Variants in PLCB4 observed in about 807,000 individuals in gnomAD.
PLCB4 encodes 1-phosphatidylinositol 4,5-bisphosphate phosphodiesterase beta-4.
PLCB4 carries 77 observed loss-of-function variants against 178.8 expected under a neutral mutation model. The ratio of observed to expected loss-of-function variants is 0.43; its 90% CI spans 0.36 to 0.52. The LOEUF is 0.52. Ranked by LOEUF, PLCB4 falls within the 20% of genes least tolerant of loss-of-function variation. The pLI is 0.00. For missense variants in PLCB4, 1,024 were observed against 1,453.4 expected (o/e 0.70, Z 4.80); for synonymous variants, 496 against 490.8 (o/e 1.01, Z -0.14).
chr20:9,415,995 A>G (rs757412732), intron 25 of PLCB4, among the ~76,000 whole-genome samples: 1 of 152,208 alleles, frequency 6.6e-6, no homozygotes, highest in Admixed American at 6.5e-5. Flanking sequence ...TGACCTTCAA[A>G]GAAAGCTTGC....
At chr20:9,209,997 G>C (rs1015632091) in intron 2 of PLCB4, among the ~76,000 whole-genome samples, 1 of 136,104 alleles carries the variant, frequency 7.3e-6, no homozygotes, top group Non-Finnish European at 1.6e-5. Context: ...GAATGAAAAA[G>C]AAAACCCAGA....
chr20:9,336,312 A>T (rs926553670), intron 4 of PLCB4, among the ~76,000 whole-genome samples: 1 of 152,148 alleles, frequency 6.6e-6, no homozygotes, highest in Admixed American at 6.6e-5. Context: ...ATTCCTAAGC[A>T]CAGTGGTGCT....
intron 34 of PLCB4, 33 bp downstream of exon 34, chr20:9,457,522 T>G (rs774222747): frequency 2.0e-6 from 2 of 988,712 alleles, no homozygotes. Flanking sequence ...AGCAGTGACT[T>G]GCAGAAGACA....
intron 3 of PLCB4, among the ~76,000 whole-genome samples, chr20:9,299,449 A>T (rs1247018262): frequency 6.6e-6 from 1 of 151,984 alleles, no homozygotes; most frequent in Admixed American, 6.6e-5. Flanking sequence ...TCCCGTTGTA[A>T]AACAGTGTAC....
intron 3 of PLCB4, among the ~76,000 whole-genome samples, chr20:9,218,264 G>T (rs1044673580): frequency 1.3e-5 from 2 of 152,064 alleles, no homozygotes; most frequent in Admixed American, 1.3e-4. Flanking sequence ...ATGCCACCAC[G>T]CCTGGCTAAT....
intron 6 of PLCB4, 89 bp downstream of exon 6, chr20:9,338,156 T>C: frequency 1.2e-6 from 1 of 835,864 alleles, no homozygotes; most frequent in Non-Finnish European, 2.0e-6. Flanking sequence ...ACTCACTCTT[T>C]GTATCCAGGC....
At chr20:9,368,974 T>C (rs2036010637) in intron 9 of PLCB4, among the ~76,000 whole-genome samples, 1 of 152,160 alleles carries the variant, frequency 6.6e-6, no homozygotes, top group African/African-American at 2.4e-5. Context: ...TAAATCACAT[T>C]CCCTTTGTAA....
intron 3 of PLCB4, among the ~76,000 whole-genome samples, chr20:9,252,422 G>C (rs2094191092): frequency 6.6e-6 from 1 of 152,180 alleles, no homozygotes; most frequent in Admixed American, 6.5e-5. Flanking sequence ...TCTAGTCTAA[G>C]CTGTTCTCAA....
chr20:9,429,737 T>C (rs1568815537), intron 28 of PLCB4, among the ~76,000 whole-genome samples: 1 of 152,230 alleles, frequency 6.6e-6, no homozygotes, highest in African/African-American at 2.4e-5. Context: ...CTCACATATA[T>C]ATGCCTCTGG....
intron 10 of PLCB4, 80 bp downstream of exon 10, chr20:9,371,375 T>A: frequency 1.4e-6 from 1 of 723,798 alleles, no homozygotes; most frequent in Non-Finnish European, 2.4e-6. Context: ...AGATTATTTA[T>A]ATTAAACTGA....
chr20:9,192,246 T>C (rs2093414088), intron 2 of PLCB4, among the ~76,000 whole-genome samples: 1 of 152,218 alleles, frequency 6.6e-6, no homozygotes, highest in South Asian at 2.1e-4. Context: ...CGAACTGCTC[T>C]GAAGAGTTGC....
chr20:9,130,272 A>T (rs2146807759), intron 2 of PLCB4, among the ~76,000 whole-genome samples: 1 of 152,302 alleles, frequency 6.6e-6, no homozygotes, highest in East Asian at 1.9e-4. Context: ...GCTACTGCAG[A>T]AACTCAGTAA....
At chr20:9,090,653 T>G (rs1412104165) in intron 1 of PLCB4, among the ~76,000 whole-genome samples, 3 of 152,150 alleles carry the variant, frequency 2.0e-5, no homozygotes, top group Non-Finnish European at 4.4e-5. Flanking sequence ...TAAGCTAATA[T>G]ACTCCAGTAA....
intron 3 of PLCB4, among the ~76,000 whole-genome samples, chr20:9,220,884 C>T (rs553792404): frequency 6.6e-6 from 1 of 152,262 alleles, no homozygotes; most frequent in Non-Finnish European, 1.5e-5. Context: ...CTTCTTATTA[C>T]CCTGTAAATA....
chr20:9,241,605 AGT>A (rs1569003972), intron 3 of PLCB4, among the ~76,000 whole-genome samples: 1 of 152,220 alleles, frequency 6.6e-6, no homozygotes, highest in African/African-American at 2.4e-5. Flanking sequence ...TTATGTCTAG[AGT>A]AGCAATGGAA....
chr20:9,468,647 A>G lies in PLCB4; in HGVS notation c.3325A>G (p.Ile1109Val), dbSNP rs1386317866. 1 of 1,606,552 alleles carries G rather than the reference A, an allele frequency of 6.2e-7. No homozygotes were observed. Residue 1109 changes from isoleucine (I) to valine (V), a missense_variant, in exon 36 of 40, where the codon ATC becomes GTC. Ile to Val is a conservative substitution (Grantham distance 29). Around this residue, in one of 7 missense-constraint regions of PLCB4, gnomAD observed 264 missense variants for 283.2 expected, o/e 0.93. Transcript: ENST00000378473. ...NSKAISQDKS[I>V]KNKAERERRV... ...CAAAGCCATCAGCCAAGATAAATCT[A>G]TCAAGAATAAAGCAGAACGGGAAAG...
intron 2 of PLCB4, among the ~76,000 whole-genome samples, chr20:9,149,938 C>T (rs1057024158): frequency 6.6e-6 from 1 of 152,160 alleles, no homozygotes; most frequent in Non-Finnish European, 1.5e-5. Flanking sequence ...TTAGTTAACC[C>T]TCTGAAGCAG....
At chr20:9,313,172 TAC>T (rs2094856466) in intron 4 of PLCB4, among the ~76,000 whole-genome samples, 1 of 152,218 alleles carries the variant, frequency 6.6e-6, no homozygotes, top group Non-Finnish European at 1.5e-5. Context: ...AAAAGATACT[TAC>T]AGTCATCAAA....
chr20:9,144,467 C>G (rs2092554758), intron 2 of PLCB4, among the ~76,000 whole-genome samples: 1 of 151,488 alleles, frequency 6.6e-6, no homozygotes, highest in African/African-American at 2.4e-5. Context: ...TTGGATTTTT[C>G]TAGCTAGTGA....
Sources: allele counts gnomAD v4.1 joint callset (sites outside exome capture counted in the v4.1 genomes callset), GRCh38; gene constraint gnomAD v4.1.1; regional missense constraint gnomAD v4.1.1; transcripts MANE v1.5; gene names NCBI Gene and HGNC (gene_info 2026-07-23, HGNC 2026-07-21).